GIT2: variants seen among roughly 807,000 people sequenced by gnomAD.
The protein encoded by GIT2 is GIT ArfGAP 2.
In GIT2, 32 loss-of-function variants were observed where a neutral mutation model predicts 100.3. The ratio of observed to expected loss-of-function variants is 0.32; its 90% CI spans 0.24 to 0.43. GIT2 has a LOEUF of 0.43. GIT2 is among the 20% of genes least tolerant of loss of function. The pLI, the probability that GIT2 is intolerant of heterozygous loss-of-function variation, is 1.00. For missense variants in GIT2, 737 were observed against 975.1 expected (o/e 0.76, Z 3.25); for synonymous variants, 353 against 364.1 (o/e 0.97, Z 0.35).
upstream of GIT2, chr12:109,999,783 A>G (rs1889850426): frequency 6.6e-7 from 1 of 1,526,696 alleles, no homozygotes; most frequent in South Asian, 1.2e-5. This position sits in a 1 kb window ranked among gnomAD's most constrained non-coding sequence, Gnocchi z 4.3. Flanking sequence ...CTGCAGGGCC[A>G]GGTGAGGGGC....
At chr12:109,980,224 G>C (rs1355325656) in intron 7 of GIT2, among the ~76,000 whole-genome samples, 1 of 151,988 alleles carries the variant, frequency 6.6e-6, no homozygotes, top group Non-Finnish European at 1.5e-5. Context: ...CACCATGCCT[G>C]GCTGATTTTT....
intron 6 of GIT2, 108 bp downstream of exon 6, chr12:109,983,265 C>T (rs966810574): frequency 8.2e-6 from 8 of 970,566 alleles, no homozygotes; most frequent in Admixed American, 4.7e-5. Context: ...AAATAACGTA[C>T]ATCTTTAAAG....
chr12:109,990,723 G>C (rs1326099210), intron 2 of GIT2, among the ~76,000 whole-genome samples: 1 of 152,204 alleles, frequency 6.6e-6, no homozygotes, highest in Non-Finnish European at 1.5e-5. Context: ...TGTACCCCAA[G>C]ATAGAAGTAA....
intron 4 of GIT2, among the ~76,000 whole-genome samples, chr12:109,986,135 T>C (rs1379110548): frequency 6.6e-6 from 1 of 151,838 alleles, no homozygotes; most frequent in East Asian, 1.9e-4. Flanking sequence ...AAGAAGAACA[T>C]CCTACTAAAA....
chr12:109,979,427 C>A (rs1885838907), intron 7 of GIT2, among the ~76,000 whole-genome samples: 1 of 152,018 alleles, frequency 6.6e-6, no homozygotes, highest in Non-Finnish European at 1.5e-5. Context: ...CGCCTGCCAC[C>A]ATGCCCAGCT....
chr12:109,996,321 G>A lies in GIT2; in HGVS notation c.-97C>T, dbSNP rs552643475. ...CGCTCTAACGGGTCCCAGCTGCGGC[G>A]GCGCTGACGGCGGCGCCTCTCCCCT... On this transcript the variant is annotated 5_prime_UTR_variant, in exon 1 of 20. Coordinates refer to ENST00000355312, the MANE Select transcript of GIT2 (RefSeq NM_057169.5). 4 of 809,058 alleles carry A rather than the reference G, an allele frequency of 4.9e-6. No homozygotes were observed. Among genetic ancestry groups the A allele is most frequent in the Non-Finnish European group, 7.6e-6 (4 of 525,340 alleles). 50.1% of individuals were successfully genotyped at this position (809,058 alleles called of 1,614,324 possible). A position where few individuals can be genotyped will look rare whatever the true frequency, so the allele number is the denominator to read the frequency against.
At chr12:109,949,106 G>C in intron 14 of GIT2, 1 of 487,458 alleles carries the variant, frequency 2.1e-6, no homozygotes, top group East Asian at 3.4e-5. Context: ...GGCTGGCAGG[G>C]TATAGCTCAT....
chr12:109,934,078 G>C lies in GIT2; in HGVS notation c.2011C>G (p.Pro671Ala), dbSNP rs751683768. ...GCTACGTGTATCCTCTCTGAGCAGG[G>C]AATATAACTGCAAGAATATTGAAGA... is the stretch of plus-strand genomic sequence containing the variant. ...AQENKHDSYI[P>A]CSERIHVAVT... Residue 671 changes from proline to alanine, a missense_variant, in exon 19 of 20, where the codon CCC (proline) becomes GCC (alanine). By Grantham distance (27) the Pro-to-Ala change is conservative. Coordinates refer to ENST00000355312, the MANE Select transcript of GIT2 (RefSeq NM_057169.5). The surrounding 1 kb of genome is among the most constrained non-coding windows in gnomAD (Gnocchi z 4.5). The C allele has an allele frequency of 1.9e-6, 3 of 1,543,564 alleles. No homozygotes were observed. Among genetic ancestry groups the C allele is most frequent in the South Asian group, 1.1e-5 (1 of 89,716 alleles).
chr12:109,950,907 G>T, intron 14 of GIT2: 1 of 380,828 alleles, frequency 2.6e-6, no homozygotes, highest in Non-Finnish European at 4.8e-6. Context: ...AGGAAGCACA[G>T]AATAGTCCAA....
intron 1 of GIT2, among the ~76,000 whole-genome samples, chr12:109,992,831 C>T (rs1031578314): frequency 3.3e-5 from 5 of 152,002 alleles, no homozygotes; most frequent in Non-Finnish European, 5.9e-5. Flanking sequence ...GCCACCAGCT[C>T]GGCTAATTTT....
At chr12:109,990,100 A>C (rs1888107167) in intron 2 of GIT2, among the ~76,000 whole-genome samples, 1 of 152,212 alleles carries the variant, frequency 6.6e-6, no homozygotes, top group Admixed American at 6.5e-5. Context: ...CTAATTAAAC[A>C]CTATTTTCAA....
intron 4 of GIT2, chr12:109,983,971 G>T: frequency 2.5e-6 from 1 of 400,278 alleles, no homozygotes; most frequent in Non-Finnish European, 4.6e-6. Context: ...ACCAGAACCT[G>T]AGTGAGAGGC....
chr12:109,991,615 C>T lies in GIT2; in HGVS notation c.186+12G>A. Reference sequence around the variant, plus strand: ...TAAATTACCAACTGTCAGGAGAATTCTTATCCTTTACCTGAAGCAGTGTTG... The same window carrying T: ...TAAATTACCAACTGTCAGGAGAATTTTTATCCTTTACCTGAAGCAGTGTTG... On this transcript the variant is annotated intron_variant, in intron 2 of 19. Coordinates refer to ENST00000355312, the MANE Select transcript of GIT2 (RefSeq NM_057169.5). 1 of 1,604,974 alleles carries T rather than the reference C, an allele frequency of 6.2e-7. No individual in the cohort carries two copies. The highest frequency in any genetic ancestry group is 1.1e-5 in the South Asian group (1 of 90,464).
At chr12:109,988,929 C>T (rs766815741) in intron 4 of GIT2, 34 bp downstream of exon 4, 36 of 1,177,222 alleles carry the variant, frequency 3.1e-5, no homozygotes, top group South Asian at 6.1e-5. Flanking sequence ...TGTCTCAGCC[C>T]GCTCTTTTAG....
Position 109,948,737 on chromosome 12 carries a change from CCATT to C in GIT2, c.1393-1237_1393-1234del, listed in dbSNP as rs1877016664. On this transcript the variant is annotated intron_variant, in intron 14 of 19. Transcript: ENST00000355312. This position sits in a 1 kb window ranked among gnomAD's most constrained non-coding sequence, Gnocchi z 4.3. ...GATCATTACTTTTTCAGTAGCAAAC[CCATT>C]CAATGTTAGGAGTTACTTTCAATTT... 6.5e-7 allele frequency: 1 copy of C among 1,539,144 alleles called. No homozygotes were observed. The highest frequency in any genetic ancestry group is 8.7e-7 in the Non-Finnish European group (1 of 1,147,470).
At chr12:109,946,741 G>A (rs61373969) in intron 15 of GIT2, among the ~76,000 whole-genome samples, 16,813 of 152,070 alleles carry the variant, frequency 0.11, 2,090 homozygotes, top group African/African-American at 0.31. Flanking sequence ...GAGAGGCTGC[G>A]GAAGCCTGGA....
chr12:109,951,470 A>G (rs1877832428), intron 13 of GIT2, among the ~76,000 whole-genome samples, 154 bp from the exon 14 acceptor site: 1 of 152,242 alleles, frequency 6.6e-6, no homozygotes, highest in Admixed American at 6.5e-5. Context: ...ACTAAAACAT[A>G]AAAGTAGGGT....
At position 109,941,529 on chromosome 12, in the gene GIT2, C is replaced by CT. The variant is rs931997843; in HGVS notation, c.1732-2283dup. Among the ~76,000 whole-genome samples the CT allele has an allele frequency of 5.4e-3, 776 of 144,090 alleles. 5 individuals carry two copies. The highest frequency in any genetic ancestry group is 0.012 in the African/African-American group (477 of 39,656). The allele number at this position is 144,090 out of a possible 152,430, so 94.5% of individuals were successfully genotyped here. A position where few individuals can be genotyped will look rare whatever the true frequency, so the allele number is the denominator to read the frequency against. On this transcript the variant is annotated intron_variant, in intron 16 of 19. Transcript: ENST00000355312. ...TTCACAGGGAATGCCTAACTTTTTT[C>CT]TTTTTTTTTTTTGAGATTGAGTTTC... is the stretch of plus-strand genomic sequence containing the variant.
At chr12:109,985,759 G>A (rs924508277) in intron 4 of GIT2, among the ~76,000 whole-genome samples, 3 of 151,956 alleles carry the variant, frequency 2.0e-5, no homozygotes, top group Non-Finnish European at 4.4e-5. Flanking sequence ...AGGCTGAGGC[G>A]GGTGAATCGC....
Sources: gnomAD v4.1 joint callset for allele counts (sites outside exome capture counted in the v4.1 genomes callset) on GRCh38, gnomAD v4.1.1 for gene constraint, Gnocchi (gnomAD v3.1) non-coding constraint, MANE v1.5 for transcripts, NCBI Gene and HGNC (gene_info 2026-07-23, HGNC 2026-07-21) for gene names.